IL34: variants seen among roughly 807,000 people sequenced by gnomAD.
The protein encoded by IL34 is interleukin 34.
Under a neutral mutation model 25.3 loss-of-function variants are expected in IL34, and 17 were observed. The ratio of observed to expected loss-of-function variants is 0.67; its 90% CI spans 0.46 to 1.01. IL34 has a LOEUF of 1.01. IL34 is among the 50% of genes least tolerant of loss of function. The pLI is 0.00. For synonymous variants in IL34, 174 were observed against 140.9 expected (o/e 1.23, Z -1.66); for missense variants, 368 against 312.9 (o/e 1.18, Z -1.33).
Position 70,659,600 on chromosome 16 carries a change from C to G in IL34, c.403-18C>G, listed in dbSNP as rs768802695. 2 of 1,595,454 alleles carry G rather than the reference C, an allele frequency of 1.3e-6. No homozygotes were observed. Among genetic ancestry groups the G allele is most frequent in the South Asian group, 1.1e-5 (1 of 89,942 alleles). On this transcript the variant is annotated intron_variant, in intron 4 of 5. Coordinates refer to ENST00000288098, the MANE Select transcript of IL34 (RefSeq NM_001393494.1). ...GGCCCCATCTCGCCACCGCTCCTGA[C>G]TGTTTCCTCCTTTCCAGGATGTGGA...
At position 70,657,036 on chromosome 16, in the gene IL34, A is replaced by T; in HGVS notation, c.317A>T (p.Gln106Leu). Residue 106 changes from glutamine (Q) to leucine (L), a missense_variant, in exon 4 of 6, where the codon CAG becomes CTG. Transcript: ENST00000288098. The part of the protein sequence containing the change: ...LVSLSATESV[Q>L]DVLLEGHPSW... The stretch of plus-strand genomic sequence containing the variant: ...AGCCTCAGTGCCACTGAGTCGGTGC[A>T]GGACGTGCTGCTCGAGGGCCACCCA... 1.9e-6 allele frequency: 3 copies of T among 1,612,780 alleles called. No homozygotes were observed. The highest frequency in any genetic ancestry group is 2.2e-5 in the South Asian group (2 of 91,012).
Position 70,660,217 on chromosome 16 carries a change from C to T in IL34, c.*30C>T, listed in dbSNP as rs765046412. 46 of 1,520,852 alleles carry T rather than the reference C, an allele frequency of 3.0e-5. No homozygotes were observed. In the East Asian group the frequency reaches 9.9e-4, roughly 33 times the overall value. 94.2% of individuals were successfully genotyped at this position (1,520,852 alleles called of 1,614,324 possible). A position where few individuals can be genotyped will look rare whatever the true frequency, so the allele number is the denominator to read the frequency against. On this transcript the variant is annotated 3_prime_UTR_variant, in exon 6 of 6. Transcript: ENST00000288098. ...CCTGGATGGTGACTGCGGATAGGGG[C>T]AGCCAGACCAGCTCCCACAGGAGTT...
At chr16:70,641,565 C>CT (rs570531262), upstream of IL34, among the ~76,000 whole-genome samples, 631 of 107,986 alleles carry the variant, frequency 5.8e-3, 1 homozygote, top group Middle Eastern at 0.014. Context: ...GCCTTTCTTT[C>CT]TTTTTTTTTT....
chr16:70,614,924 TTAGAGAA>T (rs1244481479), intron 1 of IL34, among the ~76,000 whole-genome samples: 5 of 152,222 alleles, frequency 3.3e-5, no homozygotes, highest in African/African-American at 1.2e-4. Flanking sequence ...AGTATTTTGA[TTAGAGAA>T]TAAACTCATA....
chr16:70,603,417 C>A (rs756005137), intron 1 of IL34, among the ~76,000 whole-genome samples: 7 of 152,046 alleles, frequency 4.6e-5, no homozygotes, highest in East Asian at 1.9e-4. Flanking sequence ...GTAGCTGGGA[C>A]TACAGCCATG....
chr16:70,608,376 G>A (rs149843185), intron 1 of IL34, among the ~76,000 whole-genome samples: 5,650 of 152,056 alleles, frequency 0.037, 371 homozygotes, highest in African/African-American at 0.13. Context: ...TGATCCACCC[G>A]CCTTGGCCTC....
intron 1 of IL34, among the ~76,000 whole-genome samples, chr16:70,588,209 G>C (rs1315052012): frequency 6.6e-6 from 1 of 152,020 alleles, no homozygotes; most frequent in Non-Finnish European, 1.5e-5. Context: ...GTAGAGGCCG[G>C]GTGCGGTGGC....
At chr16:70,589,385 T>C (rs997620486) in intron 1 of IL34, among the ~76,000 whole-genome samples, 19 of 152,038 alleles carry the variant, frequency 1.2e-4, no homozygotes, top group African/African-American at 4.6e-4. Context: ...TTCCTCTCCC[T>C]CCTCCCACCC....
Position 70,660,073 on chromosome 16 carries a change from G to T in IL34, c.615G>T (p.Leu205Phe), listed in dbSNP as rs1216225053. The change falls in exon 6 of 6, where the codon TTG (leucine) becomes TTT (phenylalanine). Residue 205 changes from leucine to phenylalanine, a missense_variant. Leu to Phe is a conservative substitution (Grantham distance 22). Coordinates refer to ENST00000288098, the MANE Select transcript of IL34 (RefSeq NM_001393494.1). ...AGTCTTGCAGCCCAGAGCCCTCATT[G>T]CAGTATGCGGCCACCCAGCTGTACC... Reference protein sequence around the residue: ...SPQSCSPEPSLQYAATQLYPP... With the variant: ...SPQSCSPEPSFQYAATQLYPP... 1 of 1,613,614 alleles carries T rather than the reference G, an allele frequency of 6.2e-7. No individual in the cohort carries two copies. The highest frequency in any genetic ancestry group is 2.2e-5 in the East Asian group (1 of 44,828).
At chr16:70,649,032 G>A (rs578094517) in intron 1 of IL34, among the ~76,000 whole-genome samples, 1 of 152,228 alleles carries the variant, frequency 6.6e-6, no homozygotes, top group South Asian at 2.1e-4. Flanking sequence ...TTAGGGAACT[G>A]CCTAAATCCA....
chr16:70,607,968 A>C (rs529588098), intron 1 of IL34, among the ~76,000 whole-genome samples: 2 of 151,826 alleles, frequency 1.3e-5, no homozygotes, highest in African/African-American at 4.8e-5. Flanking sequence ...GGGTTTTGCC[A>C]TGTTGGCCAG....
At chr16:70,651,720 G>C (rs1168408414) in intron 1 of IL34, among the ~76,000 whole-genome samples, 1 of 151,838 alleles carries the variant, frequency 6.6e-6, no homozygotes. Flanking sequence ...TCATAGCTGG[G>C]GGTGGCTCAG....
At chr16:70,633,793 G>C (rs760305409) in intron 1 of IL34, among the ~76,000 whole-genome samples, 2 of 152,082 alleles carry the variant, frequency 1.3e-5, no homozygotes, top group Non-Finnish European at 2.9e-5. Flanking sequence ...TCCTGGTGCT[G>C]TGTGGCCTGT....
intron 1 of IL34, among the ~76,000 whole-genome samples, chr16:70,614,297 C>T (rs75297657): frequency 0.1 from 15,832 of 152,078 alleles, 1,099 homozygotes; most frequent in African/African-American, 0.19. Flanking sequence ...TTTGAGGAAC[C>T]CTTCTTTGGA....
intron 1 of IL34, among the ~76,000 whole-genome samples, chr16:70,648,837 G>A (rs181497160): frequency 8.5e-5 from 13 of 152,114 alleles, no homozygotes; most frequent in South Asian, 8.3e-4. Flanking sequence ...CAGGGTGCCT[G>A]CAGGGCTGCG....
chr16:70,597,767 G>A (rs977330347), intron 1 of IL34, among the ~76,000 whole-genome samples: 10 of 152,188 alleles, frequency 6.6e-5, no homozygotes, highest in Admixed American at 3.3e-4. Context: ...TTGTCAAGGA[G>A]CTGATTCTTT....
At chr16:70,610,247 A>T (rs182314893) in intron 1 of IL34, among the ~76,000 whole-genome samples, 62 of 151,228 alleles carry the variant, frequency 4.1e-4, no homozygotes, top group African/African-American at 1.4e-3. Flanking sequence ...GTAGGAGCTG[A>T]GAGAGGGATC....
At chr16:70,620,357 C>T (rs1196825055) in intron 1 of IL34, among the ~76,000 whole-genome samples, 1 of 152,086 alleles carries the variant, frequency 6.6e-6, no homozygotes, top group East Asian at 1.9e-4. Context: ...TGGCTCCAGC[C>T]ACCTTTTTAA....
intron 1 of IL34, among the ~76,000 whole-genome samples, chr16:70,633,621 G>C (rs957009720): frequency 4.6e-5 from 7 of 152,072 alleles, no homozygotes; most frequent in African/African-American, 1.7e-4. Flanking sequence ...CAGAGCTTCT[G>C]TAAGAAAGTA....
Sources: gnomAD v4.1 joint callset for allele counts (sites outside exome capture counted in the v4.1 genomes callset) on GRCh38, gnomAD v4.1.1 for gene constraint, MANE v1.5 for transcripts, NCBI Gene and HGNC (gene_info 2026-07-23, HGNC 2026-07-21) for gene names.